CDK8: variants seen among roughly 807,000 people sequenced by gnomAD.
CDK8 encodes cyclin dependent kinase 8, also known as cyclin-dependent kinase 8.
Under a neutral mutation model 71.5 loss-of-function variants are expected in CDK8, and 29 were observed. That is an observed-to-expected ratio of 0.41 (90% CI 0.30 to 0.55). The LOEUF (loss-of-function observed/expected upper bound fraction) is 0.55. Among genes scored for constraint, CDK8 ranks in the 20% least tolerant of loss-of-function variants. CDK8 has a pLI of 0.37. For synonymous variants in CDK8, 161 were observed against 192.1 expected, an observed-to-expected ratio of 0.84 and a Z score of 1.34; for missense variants, 288 against 572.6, an observed-to-expected ratio of 0.50 and a Z score of 5.07.
chr13:26,385,436 T>G (rs1875428086), intron 6 of CDK8, 94 bp downstream of exon 6: 1 of 1,064,140 alleles, frequency 9.4e-7, no homozygotes, highest in Non-Finnish European at 1.3e-6. Context: ...GTATAGCAAA[T>G]TATAAAAGTA....
At chr13:26,292,630 T>A (rs958032983) in intron 1 of CDK8, among the ~76,000 whole-genome samples, 2 of 152,158 alleles carry the variant, frequency 1.3e-5, no homozygotes, top group African/African-American at 4.8e-5. Context: ...TTTAGTTAGG[T>A]TGTTATGTGC....
chr13:26,360,152 C>A (rs1174463738), intron 4 of CDK8, among the ~76,000 whole-genome samples: 5 of 152,096 alleles, frequency 3.3e-5, no homozygotes, highest in Admixed American at 6.6e-5. Flanking sequence ...GGGAAGAATT[C>A]TGTGATAAAT....
intron 1 of CDK8, among the ~76,000 whole-genome samples, chr13:26,335,038 T>C (rs746372706): frequency 7.2e-5 from 11 of 152,210 alleles, no homozygotes; most frequent in Non-Finnish European, 1.6e-4. Context: ...CTCTCCTATA[T>C]TGTTAGCTCT....
intron 1 of CDK8, among the ~76,000 whole-genome samples, chr13:26,329,483 G>GTTTTTTTTTTTTTTTTTT (rs543441898): frequency 3.1e-5 from 4 of 128,494 alleles, no homozygotes; most frequent in Non-Finnish European, 4.7e-5. Context: ...TTTTTTTTTT[G>GTTTTTTTTTTTTTTTTTT]TTTTTTTTTT....
chr13:26,394,304 C>T (rs1005744426), intron 7 of CDK8, among the ~76,000 whole-genome samples: 2 of 152,174 alleles, frequency 1.3e-5, no homozygotes, highest in African/African-American at 4.8e-5. Flanking sequence ...ACTTTTAATT[C>T]TACATTCCCT....
chr13:26,345,325 G>A (rs1873417385), intron 2 of CDK8, among the ~76,000 whole-genome samples: 1 of 152,128 alleles, frequency 6.6e-6, no homozygotes, highest in African/African-American at 2.4e-5. Flanking sequence ...GAGATTTGTT[G>A]TCTGGTTAAT....
intron 12 of CDK8, among the ~76,000 whole-genome samples, chr13:26,402,195 G>A (rs17084034): frequency 0.055 from 8,310 of 152,220 alleles, 358 homozygotes; most frequent in African/African-American, 0.11. Flanking sequence ...AGCCATTTCA[G>A]GAAACTGAGG....
At chr13:26,266,531 C>A (rs868460458) in intron 1 of CDK8, among the ~76,000 whole-genome samples, 4 of 152,118 alleles carry the variant, frequency 2.6e-5, no homozygotes, top group Non-Finnish European at 5.9e-5. Flanking sequence ...GAATAACAGC[C>A]AGGAAGAGTC....
At chr13:26,385,887 A>AAT (rs1387179936) in intron 6 of CDK8, among the ~76,000 whole-genome samples, 1 of 152,100 alleles carries the variant, frequency 6.6e-6, no homozygotes, top group Non-Finnish European at 1.5e-5. Context: ...ATTAAATGGG[A>AAT]TCATATTATG....
intron 1 of CDK8, among the ~76,000 whole-genome samples, chr13:26,286,061 A>G (rs564210909): frequency 1.3e-5 from 2 of 152,352 alleles, no homozygotes; most frequent in African/African-American, 4.8e-5. Flanking sequence ...GGTAGAATCA[A>G]TATTGTGAAA....
chr13:26,343,293 A>G (rs1199303936), intron 2 of CDK8, among the ~76,000 whole-genome samples: 1 of 152,118 alleles, frequency 6.6e-6, no homozygotes, highest in East Asian at 1.9e-4. Context: ...ATGTTGCTAT[A>G]CCGAATACTA....
chr13:26,352,608 C>T (rs1873730234), intron 3 of CDK8, among the ~76,000 whole-genome samples: 1 of 152,062 alleles, frequency 6.6e-6, no homozygotes, highest in Non-Finnish European at 1.5e-5. Context: ...ATTGTTGTAG[C>T]TCTGTTTTGT....
intron 1 of CDK8, among the ~76,000 whole-genome samples, chr13:26,333,126 A>G (rs1185829519): frequency 6.6e-6 from 1 of 151,758 alleles, no homozygotes; most frequent in South Asian, 2.1e-4. Context: ...TTTTTTCACA[A>G]TATTAATTAT....
chr13:26,306,190 C>T (rs991789168), intron 1 of CDK8, among the ~76,000 whole-genome samples: 17 of 152,136 alleles, frequency 1.1e-4, no homozygotes, highest in African/African-American at 3.9e-4. Flanking sequence ...TAGAGGACTG[C>T]TCTTCAGGGT....
chr13:26,347,528 A>G (rs145284742), intron 2 of CDK8, among the ~76,000 whole-genome samples: 1 of 152,308 alleles, frequency 6.6e-6, no homozygotes, highest in East Asian at 1.9e-4. Flanking sequence ...TTTATAAATC[A>G]TATATTTGAT....
chr13:26,298,084 G>A (rs750219741), intron 1 of CDK8, among the ~76,000 whole-genome samples: 2 of 151,932 alleles, frequency 1.3e-5, no homozygotes, highest in Non-Finnish European at 2.9e-5. Flanking sequence ...ATACTTCCCC[G>A]AAGCCCCATC....
chr13:26,362,866 G>C (rs950755746), intron 4 of CDK8, among the ~76,000 whole-genome samples: 3 of 152,164 alleles, frequency 2.0e-5, no homozygotes, highest in Non-Finnish European at 2.9e-5. Flanking sequence ...CATTTTAATA[G>C]TTACCTTAAT....
intron 1 of CDK8, among the ~76,000 whole-genome samples, chr13:26,301,127 A>C (rs144871570): frequency 1.5e-4 from 23 of 151,926 alleles, no homozygotes; most frequent in African/African-American, 5.1e-4. Context: ...AGTATTGTTC[A>C]AATTTGGGTA....
At chr13:26,385,483 C>A in intron 6 of CDK8, 141 bp downstream of exon 6, 1 of 643,754 alleles carries the variant, frequency 1.6e-6, no homozygotes. Context: ...GCCTGTAATC[C>A]AAGCACTTTG....
Sources: gnomAD v4.1 joint callset for allele counts (sites outside exome capture counted in the v4.1 genomes callset) on GRCh38, gnomAD v4.1.1 for gene constraint, MANE v1.5 for transcripts, NCBI Gene and HGNC (gene_info 2026-07-23, HGNC 2026-07-21) for gene names.